SLC28A3: variants seen among roughly 807,000 people sequenced by gnomAD.
SLC28A3 encodes the protein concentrative Na(+)-nucleoside cotransporter 3.
Under a neutral mutation model 84.2 loss-of-function variants are expected in SLC28A3, and 68 were observed. The observed-to-expected ratio is 0.81, with a 90% CI of 0.66 to 0.99. SLC28A3 has a LOEUF of 0.99. Among genes scored for constraint, SLC28A3 ranks in the 50% least tolerant of loss-of-function variants. The pLI, the probability that SLC28A3 is intolerant of heterozygous loss-of-function variation, is 0.00. For synonymous variants in SLC28A3, 267 were observed against 303.6 expected, an observed-to-expected ratio of 0.88 and a Z score of 1.25; for missense variants, 712 against 841.5, an observed-to-expected ratio of 0.85 and a Z score of 1.90.
rs548609049 is a variant in SLC28A3 at position 84,300,966 on chromosome 9, T to A, written c.524+1234A>T. The stretch of plus-strand genomic sequence containing the variant: ...TACTGTAGGGGACAGCATATTCTGA[T>A]GTTAAAAAATATCCATGATGCCTGT... On this transcript the variant is annotated intron_variant, in intron 5 of 17. Transcript: ENST00000376238. Among the ~76,000 whole-genome samples, 3 of 152,230 alleles carry A rather than the reference T, an allele frequency of 2.0e-5. No homozygotes were observed. In the South Asian group the frequency reaches 6.2e-4, roughly 32 times the overall value.
At chr9:84,360,209 G>C in the SLC28A3 span, among the ~76,000 whole-genome samples, 1 of 151,954 alleles carries the variant, frequency 6.6e-6, no homozygotes, top group Non-Finnish European at 1.5e-5. Flanking sequence ...TTTTGAATAG[G>C]GGAGAACGGA....
chr9:84,344,711 C>T (rs560568337), upstream of SLC28A3, among the ~76,000 whole-genome samples: 1 of 152,246 alleles, frequency 6.6e-6, no homozygotes, highest in Non-Finnish European at 1.5e-5. Context: ...TGAATATTCC[C>T]TTTCTATGAA....
the SLC28A3 span, among the ~76,000 whole-genome samples, chr9:84,356,750 G>A: frequency 4.6e-5 from 7 of 151,986 alleles, no homozygotes; most frequent in African/African-American, 7.2e-5. Context: ...AGAATCACTT[G>A]AACCCGGGAA....
chr9:84,335,099 T>C (rs928642327), intron 1 of SLC28A3, among the ~76,000 whole-genome samples: 2 of 152,186 alleles, frequency 1.3e-5, no homozygotes, highest in Non-Finnish European at 2.9e-5. Context: ...GTGTGTCCTC[T>C]TCTGAGCTCC....
At chr9:84,358,947 C>T in the SLC28A3 span, among the ~76,000 whole-genome samples, 27 of 152,118 alleles carry the variant, frequency 1.8e-4, no homozygotes, top group African/African-American at 5.3e-4. Flanking sequence ...GGACCACAAG[C>T]GAGCACCACC....
intron 8 of SLC28A3, among the ~76,000 whole-genome samples, chr9:84,296,721 G>C (rs911952929): frequency 7.7e-6 from 1 of 130,450 alleles, no homozygotes; most frequent in Non-Finnish European, 1.5e-5. Flanking sequence ...TATGCTGAAG[G>C]AGAGATGAGA....
intron 15 of SLC28A3, 101 bp from the exon 16 acceptor site, chr9:84,280,174 C>T (rs1824689062): frequency 1.1e-4 from 79 of 699,632 alleles, no homozygotes; most frequent in South Asian, 3.4e-4. Flanking sequence ...GGTCAGCTGA[C>T]TTTTTTTTTT....
chr9:84,324,125 C>T (rs1826470021), intron 1 of SLC28A3, among the ~76,000 whole-genome samples: 1 of 152,184 alleles, frequency 6.6e-6, no homozygotes. Context: ...ACCTTTGTCT[C>T]TCTATCCTCT....
At chr9:84,367,912 C>A in the SLC28A3 span, among the ~76,000 whole-genome samples, 1 of 152,214 alleles carries the variant, frequency 6.6e-6, no homozygotes, top group Admixed American at 6.5e-5. Context: ...CGGCTTCACA[C>A]GGAGACATTC....
intron 5 of SLC28A3, 124 bp from the exon 6 acceptor site, chr9:84,299,849 A>AG: frequency 8.8e-6 from 10 of 1,132,916 alleles, no homozygotes; most frequent in South Asian, 1.8e-5. Context: ...CTGGAGTAGA[A>AG]TGGAGCGATC....
At chr9:84,320,041 T>TG (rs1826313790) in intron 1 of SLC28A3, among the ~76,000 whole-genome samples, 1 of 80,878 alleles carries the variant, frequency 1.2e-5, no homozygotes, top group African/African-American at 7.5e-5. Flanking sequence ...GCTTGCACTG[T>TG]TTTTTTTTTT....
chr9:84,312,623 C>T (rs895250034), intron 2 of SLC28A3, among the ~76,000 whole-genome samples: 1 of 151,108 alleles, frequency 6.6e-6, no homozygotes, highest in African/African-American at 2.4e-5. Context: ...ACTGCAACCT[C>T]TACCTCCTGG....
intron 14 of SLC28A3, among the ~76,000 whole-genome samples, chr9:84,283,395 G>T (rs1263110791): frequency 1.3e-5 from 2 of 152,198 alleles, no homozygotes; most frequent in African/African-American, 4.8e-5. Flanking sequence ...TATCAGCATG[G>T]GACTGGTTAA....
chr9:84,278,158 T>C lies in SLC28A3; in HGVS notation c.*60A>G. ...TGGACAATAGCTTCTTTTTTTTTTC[T>C]TTCCAAAGCAGAAAATTCAGCATCT... is the stretch of plus-strand genomic sequence containing the variant. On this transcript the variant is annotated 3_prime_UTR_variant, in exon 18 of 18. Transcript: ENST00000376238. 2 of 1,548,454 alleles carry C rather than the reference T, an allele frequency of 1.3e-6. No homozygotes were observed. The highest frequency in any genetic ancestry group is 1.7e-6 in the Non-Finnish European group (2 of 1,147,638).
In SLC28A3 at chr9:84,307,132, C is replaced by CAA. The variant is rs34204820; in HGVS notation, c.243-1789_243-1788dup. ...TTGTGTCACTGCACCCCGTCTCAAC[C>CAA]AAAAAAAAAAAAAAAAGGCCAGGCG... On this transcript the variant is annotated intron_variant, in intron 3 of 17. Coordinates refer to ENST00000376238, the MANE Select transcript of SLC28A3 (RefSeq NM_001199633.2). Among the ~76,000 whole-genome samples the CAA allele has an allele frequency of 4.1e-4, 49 of 119,668 alleles. 1 individual carries two copies. The highest frequency in any genetic ancestry group is 2.7e-3 in the Admixed American group (32 of 11,772). The allele number at this position is 119,668 out of a possible 152,430, so 78.5% of individuals were successfully genotyped here.
chr9:84,288,125 C>T lies in SLC28A3; in HGVS notation c.1203G>A (p.Leu401=). ...CAGGCCAAAAGAGTTTAGCAGCAGCCAATGACGCAGGTGCTGACATAACTG... is the reference window on the plus strand; with the variant it reads ...CAGGCCAAAAGAGTTTAGCAGCAGCTAATGACGCAGGTGCTGACATAACTG... ...TASVMSAPAS[L]AAAKLFWPET... The change falls in exon 12 of 18, where the codon TTG becomes TTA. Residue 401 remains leucine, a synonymous_variant. Transcript: ENST00000376238. The T allele has an allele frequency of 6.2e-7, 1 of 1,614,070 alleles. No individual in the cohort carries two copies. Among genetic ancestry groups the T allele is most frequent in the Non-Finnish European group, 8.5e-7 (1 of 1,179,988 alleles).
intron 1 of SLC28A3, among the ~76,000 whole-genome samples, chr9:84,320,855 T>C (rs1266879454): frequency 6.7e-6 from 1 of 149,348 alleles, no homozygotes; most frequent in Admixed American, 6.7e-5. Flanking sequence ...CCGAGGGTGG[T>C]GGTGGGAGGC....
At chr9:84,368,150 T>A in the SLC28A3 span, among the ~76,000 whole-genome samples, 1 of 152,128 alleles carries the variant, frequency 6.6e-6, no homozygotes, top group Non-Finnish European at 1.5e-5. Context: ...CTTTCCACAG[T>A]GCATCGTGTC....
chr9:84,328,087 G>C (rs899913852), intron 1 of SLC28A3, among the ~76,000 whole-genome samples: 2 of 145,352 alleles, frequency 1.4e-5, no homozygotes, highest in African/African-American at 5.1e-5. Context: ...GCCAATCTAA[G>C]AATTAAACCA....
Sources: allele counts gnomAD v4.1 joint callset (sites outside exome capture counted in the v4.1 genomes callset), GRCh38; gene constraint gnomAD v4.1.1; transcripts MANE v1.5; gene names NCBI Gene and HGNC (gene_info 2026-07-23, HGNC 2026-07-21).